CAB39L: variants seen among roughly 807,000 people sequenced by gnomAD.
The protein encoded by CAB39L is calcium-binding protein 39-like.
CAB39L carries 23 observed loss-of-function variants against 39.1 expected under a neutral mutation model. The observed-to-expected ratio is 0.59, with a 90% confidence interval of 0.42 to 0.83. CAB39L has a LOEUF of 0.83. Ranked by LOEUF, CAB39L falls within the 40% of genes least tolerant of loss-of-function variation. The probability of loss-of-function intolerance (pLI) is 0.00; values close to 1 mark genes in which losing one functional copy is unlikely to be tolerated. For synonymous variants in CAB39L, 126 were observed against 137.2 expected (o/e 0.92, Z 0.57); for missense variants, 366 against 391.9 (o/e 0.93, Z 0.56).
chr13:49,433,644 T>C (rs1356440465), intron 2 of CAB39L, among the ~76,000 whole-genome samples: 1 of 152,170 alleles, frequency 6.6e-6, no homozygotes, highest in Non-Finnish European at 1.5e-5. Context: ...CATAAAGCGT[T>C]AGTTTGGGTA....
intron 1 of CAB39L, among the ~76,000 whole-genome samples, chr13:49,435,863 A>G (rs1462039369): frequency 1.3e-5 from 2 of 152,082 alleles, no homozygotes; most frequent in African/African-American, 4.8e-5. Context: ...CCATTTTCCT[A>G]CTGGGTTGAT....
At chr13:49,323,271 T>C (rs968968357) in intron 10 of CAB39L, among the ~76,000 whole-genome samples, 12 of 152,224 alleles carry the variant, frequency 7.9e-5, no homozygotes, top group Admixed American at 6.5e-5. Flanking sequence ...ACTGGCTTTG[T>C]GCATCAGGGG....
intron 4 of CAB39L, among the ~76,000 whole-genome samples, chr13:49,381,295 A>G (rs958787649): frequency 1.3e-5 from 2 of 152,180 alleles, no homozygotes; most frequent in African/African-American, 4.8e-5. Context: ...TTAATGTACT[A>G]AAGACCGGAA....
At chr13:49,338,697 T>C (rs1326157180) in intron 9 of CAB39L, among the ~76,000 whole-genome samples, 1 of 152,178 alleles carries the variant, frequency 6.6e-6, no homozygotes, top group Non-Finnish European at 1.5e-5. Context: ...AAATTTCGTA[T>C]ATGCGATCAT....
At chr13:49,315,002 G>T (rs993649603) in intron 10 of CAB39L, among the ~76,000 whole-genome samples, 6 of 152,210 alleles carry the variant, frequency 3.9e-5, no homozygotes, top group Non-Finnish European at 8.8e-5. Context: ...ATCCCAGGAT[G>T]CTTGTTCTGA....
At chr13:49,378,004 C>T (rs1446148286) in intron 4 of CAB39L, among the ~76,000 whole-genome samples, 1 of 82,356 alleles carries the variant, frequency 1.2e-5, no homozygotes, top group Non-Finnish European at 2.4e-5. Context: ...TCTGCCCCGC[C>T]GCCCCATCTG....
chr13:49,380,802 TGAA>T (rs998275500), intron 4 of CAB39L, among the ~76,000 whole-genome samples: 12 of 152,196 alleles, frequency 7.9e-5, no homozygotes, highest in South Asian at 2.1e-4. Flanking sequence ...TCATTATAAA[TGAA>T]GAAGGAAATG....
chr13:49,372,050 G>GT (rs1467798330), intron 5 of CAB39L, among the ~76,000 whole-genome samples: 2 of 152,120 alleles, frequency 1.3e-5, no homozygotes, highest in Non-Finnish European at 2.9e-5. Flanking sequence ...TAAAATGAAT[G>GT]TATCAGACCT....
At chr13:49,343,903 C>G (rs1165887585) in intron 8 of CAB39L, among the ~76,000 whole-genome samples, 1 of 152,156 alleles carries the variant, frequency 6.6e-6, no homozygotes, top group Non-Finnish European at 1.5e-5. Flanking sequence ...CCTACTGCCT[C>G]CTTTGATTTG....
intron 7 of CAB39L, among the ~76,000 whole-genome samples, chr13:49,348,382 A>C (rs1042773818): frequency 2.6e-5 from 4 of 152,172 alleles, no homozygotes; most frequent in Non-Finnish European, 5.9e-5. Context: ...AGCCTGGCCA[A>C]CATGGCAAAA....
chr13:49,329,945 G>T (rs1954639857), intron 10 of CAB39L, among the ~76,000 whole-genome samples: 1 of 152,058 alleles, frequency 6.6e-6, no homozygotes, highest in Admixed American at 6.6e-5. Flanking sequence ...CTAACTGCAT[G>T]CTGGTATCTA....
rs544228131 is a variant in CAB39L, at chr13:49,313,050, A to G, written c.835-2057T>C. 7.2e-5 allele frequency among the ~76,000 whole-genome samples: 11 copies of G among 152,326 alleles called. No individual in the cohort carries two copies. The South Asian group carries it at 1.9e-3, about 26-fold the overall frequency. On this transcript the variant is annotated intron_variant, in intron 10 of 10. Coordinates refer to ENST00000409308, the MANE Select transcript of CAB39L (RefSeq NM_001079670.3). ...ATGAAAGAGCTTATGATTTTTAAAC[A>G]TAATTTATTTTTTGAACACATAATA... is the stretch of plus-strand genomic sequence containing the variant.
intron 3 of CAB39L, among the ~76,000 whole-genome samples, chr13:49,419,413 C>CA (rs1490654393): frequency 6.6e-6 from 1 of 151,988 alleles, no homozygotes; most frequent in Non-Finnish European, 1.5e-5. Flanking sequence ...CCCTGTCTCT[C>CA]AAAAAAATAC....
chr13:49,358,996 T>C (rs1955558690), intron 6 of CAB39L, among the ~76,000 whole-genome samples: 2 of 152,144 alleles, frequency 1.3e-5, no homozygotes, highest in Admixed American at 1.3e-4. Flanking sequence ...ACAGGTGAGA[T>C]GGACTAGGTA....
intron 9 of CAB39L, among the ~76,000 whole-genome samples, chr13:49,333,376 C>T (rs754539276): frequency 1.3e-5 from 2 of 152,086 alleles, no homozygotes; most frequent in Non-Finnish European, 2.9e-5. Context: ...TCTTCAATGG[C>T]TCCCTTGCCT....
chr13:49,312,931 C>T (rs112535965), intron 10 of CAB39L, among the ~76,000 whole-genome samples: 143 of 152,246 alleles, frequency 9.4e-4, no homozygotes, highest in African/African-American at 3.2e-3. Flanking sequence ...TCCACCTTTC[C>T]CCTCCCACCT....
intron 3 of CAB39L, among the ~76,000 whole-genome samples, chr13:49,392,847 C>T (rs1164365399): frequency 6.6e-6 from 1 of 151,958 alleles, no homozygotes; most frequent in Non-Finnish European, 1.5e-5. Flanking sequence ...AATACCAAAT[C>T]AGGTTTTTAA....
intron 3 of CAB39L, among the ~76,000 whole-genome samples, chr13:49,387,753 T>C (rs1260060172): frequency 6.6e-6 from 1 of 151,786 alleles, no homozygotes; most frequent in East Asian, 1.9e-4. Flanking sequence ...GACAAAAAGC[T>C]CTTTTAGACA....
chr13:49,357,319 AAAT>A (rs1955513052), intron 6 of CAB39L, among the ~76,000 whole-genome samples: 1 of 152,162 alleles, frequency 6.6e-6, no homozygotes, highest in Non-Finnish European at 1.5e-5. Flanking sequence ...AATGGTAAAA[AAAT>A]AATATGTAGT....
Sources: gnomAD v4.1 joint callset for allele counts (sites outside exome capture counted in the v4.1 genomes callset) on GRCh38, gnomAD v4.1.1 for gene constraint, MANE v1.5 for transcripts, NCBI Gene and HGNC (gene_info 2026-07-23, HGNC 2026-07-21) for gene names.